Variants in ST8SIA5 observed in about 807,000 individuals in gnomAD.
ST8SIA5 encodes alpha-2,8-sialyltransferase 8E.
ST8SIA5 carries 24 observed loss-of-function variants against 40.2 expected under a neutral mutation model. That is an observed-to-expected ratio of 0.60 (90% confidence interval 0.43 to 0.84). The LOEUF (loss-of-function observed/expected upper bound fraction) is 0.84. Among genes scored for constraint, ST8SIA5 ranks in the 40% least tolerant of loss-of-function variants. The pLI is 0.00. For synonymous variants in ST8SIA5, 198 were observed against 201.8 expected (o/e 0.98, Z 0.16); for missense variants, 465 against 498.5 (o/e 0.93, Z 0.64).
intron 2 of ST8SIA5, among the ~76,000 whole-genome samples, chr18:46,701,740 A>G (rs1364829017): frequency 6.6e-6 from 1 of 152,210 alleles, no homozygotes; most frequent in Non-Finnish European, 1.5e-5. Flanking sequence ...CAGAAAATAC[A>G]TGCATAGAGG....
intron 1 of ST8SIA5, among the ~76,000 whole-genome samples, chr18:46,719,591 T>G (rs922147982): frequency 6.6e-6 from 1 of 152,182 alleles, no homozygotes; most frequent in African/African-American, 2.4e-5. Flanking sequence ...AGCCACTGAC[T>G]GGAGACATCT....
intron 1 of ST8SIA5, among the ~76,000 whole-genome samples, chr18:46,732,889 G>A (rs956330186): frequency 2.3e-4 from 8 of 34,432 alleles, no homozygotes; most frequent in Non-Finnish European, 3.8e-4. Context: ...TCTGGGTCTC[G>A]GGAGGGCTGG....
At chr18:46,700,903 A>G (rs1284191553) in intron 2 of ST8SIA5, among the ~76,000 whole-genome samples, 10 of 152,138 alleles carry the variant, frequency 6.6e-5, no homozygotes, top group Non-Finnish European at 1.5e-4. Context: ...GAGTGCAGAG[A>G]CCATGGGCTA....
At chr18:46,705,262 G>C (rs2144501952) in intron 1 of ST8SIA5, among the ~76,000 whole-genome samples, 1 of 152,304 alleles carries the variant, frequency 6.6e-6, no homozygotes, top group East Asian at 1.9e-4. Context: ...TCTACTTGCA[G>C]AACAGAACAA....
chr18:46,756,459 G>C lies in ST8SIA5; in HGVS notation c.50C>G (p.Thr17Ser). 1.2e-6 allele frequency: 2 copies of C among 1,613,258 alleles called. No individual in the cohort carries two copies. The highest frequency in any genetic ancestry group is 1.7e-6 in the Non-Finnish European group (2 of 1,179,362). Residue 17 changes from threonine to serine, a missense_variant, in exon 1 of 7, where the codon ACT becomes AGT. Thr to Ser is a moderately conservative substitution (Grantham distance 58). Coordinates refer to ENST00000315087, the MANE Select transcript of ST8SIA5 (RefSeq NM_013305.6). ...SANRDLLGSR[T>S]LLFIFICAFA... is the part of the protein sequence containing the mutation. ...GGCGCAGATGAAGATGAAGAGCAAAGTTCGGCTCCCCAACAAATCCCGGTT... is the reference window on the plus strand; with the variant it reads ...GGCGCAGATGAAGATGAAGAGCAAACTTCGGCTCCCCAACAAATCCCGGTT...
Position 46,686,173 on chromosome 18 carries a change from C to T in ST8SIA5, c.569+1G>A. 1.9e-6 allele frequency: 3 copies of T among 1,614,044 alleles called. No individual in the cohort carries two copies. Among genetic ancestry groups the T allele is most frequent in the South Asian group, 2.2e-5 (2 of 91,072 alleles). ...AAGGGCAGTGCCAGGGTTTCTTTTA[C>T]CGGAAGACGAAGTCGGCGCTGTTGA... On this transcript the variant is annotated splice_donor_variant, in intron 5 of 6. Transcript: ENST00000315087. LOFTEE classifies it high-confidence loss of function.
At chr18:46,711,270 T>C (rs576643201) in intron 1 of ST8SIA5, among the ~76,000 whole-genome samples, 2 of 152,308 alleles carry the variant, frequency 1.3e-5, no homozygotes, top group East Asian at 1.9e-4. Flanking sequence ...CAACTGTCCA[T>C]GACAGCCTGA....
chr18:46,743,332 T>C (rs1203282497), intron 1 of ST8SIA5, among the ~76,000 whole-genome samples: 3 of 152,262 alleles, frequency 2.0e-5, no homozygotes, highest in Non-Finnish European at 1.5e-5. Flanking sequence ...GTTACAGGAA[T>C]GGCTAAACTA....
intron 1 of ST8SIA5, among the ~76,000 whole-genome samples, chr18:46,733,452 C>A (rs1485397140): frequency 6.6e-6 from 1 of 152,162 alleles, no homozygotes; most frequent in African/African-American, 2.4e-5. Context: ...TCCCAGGCCA[C>A]ATACTGAGGC....
Position 46,725,994 on chromosome 18 carries a change from TATATATATATATATATCCTGG to T in ST8SIA5, c.132-21351_132-21331del, listed in dbSNP as rs1167486282. On this transcript the variant is annotated intron_variant, in intron 1 of 6. Coordinates refer to ENST00000315087, the MANE Select transcript of ST8SIA5 (RefSeq NM_013305.6). ...AAAAATATATATATATATATATATATATATATATATATATATCCTGGATATATATATATATCCTGGATATAT... is the reference window on the plus strand; with the variant it reads ...AAAAATATATATATATATATATATATATATATATATATATCCTGGATATAT... Among the ~76,000 whole-genome samples, 152 of 68,984 alleles carry T rather than the reference TATATATATATATATATCCTGG, an allele frequency of 2.2e-3. 3 individuals are homozygous for T. The highest frequency in any genetic ancestry group is 6.5e-3 in the African/African-American group (125 of 19,098). 45.3% of individuals were successfully genotyped at this position (68,984 alleles called of 152,430 possible).
chr18:46,720,842 T>C (rs139052979), intron 1 of ST8SIA5, among the ~76,000 whole-genome samples: 230 of 152,188 alleles, frequency 1.5e-3, no homozygotes, highest in African/African-American at 5.2e-3. Flanking sequence ...CAAGAGGAAA[T>C]AGCCACATGA....
At chr18:46,684,441 T>C (rs984553116) in intron 5 of ST8SIA5, among the ~76,000 whole-genome samples, 10 of 152,212 alleles carry the variant, frequency 6.6e-5, no homozygotes, top group African/African-American at 2.2e-4. Flanking sequence ...ATTTTAAACA[T>C]ATTAATTCAT....
Position 46,679,754 on chromosome 18 carries a change from G to C in ST8SIA5, c.*288C>G, listed in dbSNP as rs546083103. On this transcript the variant is annotated 3_prime_UTR_variant, in exon 7 of 7. Coordinates refer to ENST00000315087, the MANE Select transcript of ST8SIA5 (RefSeq NM_013305.6). ...TGCTTTATTCACTTGCCGTCCCCAG[G>C]GCCCCTGATCTTGGGGTGTGGCCCA... is the stretch of plus-strand genomic sequence containing the variant. 1 of 457,212 alleles carries C rather than the reference G, an allele frequency of 2.2e-6. No homozygotes were observed. The highest frequency in any genetic ancestry group is 3.8e-5 in the East Asian group (1 of 26,132). The allele number at this position is 457,212 out of a possible 1,614,324, so 28.3% of individuals were successfully genotyped here.
In ST8SIA5 at chr18:46,699,538, C is replaced by T. The variant is rs1165949244; in HGVS notation, c.224+5034G>A. 3.3e-5 allele frequency among the ~76,000 whole-genome samples: 5 copies of T among 152,196 alleles called. No homozygotes were observed. In the South Asian group the frequency reaches 8.3e-4, roughly 25 times the overall value. ...GGGAATACAGGCGCCTGCTACTACG[C>T]CTGGCTAATTTTTTGTATATTCAGT... On this transcript the variant is annotated intron_variant, in intron 2 of 6. Coordinates refer to ENST00000315087, the MANE Select transcript of ST8SIA5 (RefSeq NM_013305.6).
chr18:46,708,038 G>C (rs1364017753), intron 1 of ST8SIA5, among the ~76,000 whole-genome samples: 1 of 152,198 alleles, frequency 6.6e-6, no homozygotes, highest in African/African-American at 2.4e-5. Context: ...CAAAAACAAT[G>C]CAGTGCATGT....
chr18:46,737,068 A>C (rs2040041960), intron 1 of ST8SIA5, among the ~76,000 whole-genome samples: 1 of 152,182 alleles, frequency 6.6e-6, no homozygotes, highest in South Asian at 2.1e-4. Context: ...ATGAGGCTAA[A>C]CAGAGACCAG....
rs560296820 is a variant in ST8SIA5, at chr18:46,756,487, C to G, written c.22G>C (p.Ala8Pro). ...CGGCTCCCCAACAAATCCCGGTTGG[C>G]CGAGGGGTCCGCGTAGCGCATCCTG... MRYADPS[A>P]NRDLLGSRTL... Residue 8 changes from alanine (A) to proline (P), a missense_variant, in exon 1 of 7, where the codon GCC becomes CCC. Transcript: ENST00000315087. 1.9e-6 allele frequency: 3 copies of G among 1,612,916 alleles called. No homozygotes were observed. In the African/African-American group the frequency reaches 4.0e-5, roughly 22 times the overall value.
At chr18:46,721,205 T>C (rs2039859138) in intron 1 of ST8SIA5, among the ~76,000 whole-genome samples, 3 of 152,064 alleles carry the variant, frequency 2.0e-5, no homozygotes, top group Non-Finnish European at 4.4e-5. Flanking sequence ...ACCTTCAAGT[T>C]AAAGGAACCA....
At chr18:46,695,283 C>T (rs952111755) in intron 2 of ST8SIA5, among the ~76,000 whole-genome samples, 2 of 151,876 alleles carry the variant, frequency 1.3e-5, no homozygotes, top group East Asian at 3.9e-4. Flanking sequence ...AGGAAGAATA[C>T]ATAGCTGGCA....
Sources: gnomAD v4.1 joint callset for allele counts (sites outside exome capture counted in the v4.1 genomes callset) on GRCh38, gnomAD v4.1.1 for gene constraint, MANE v1.5 for transcripts, NCBI Gene and HGNC (gene_info 2026-07-23, HGNC 2026-07-21) for gene names.